CYP3A7: variants seen among roughly 807,000 people sequenced by gnomAD.
The protein encoded by CYP3A7 is cytochrome P450 family 3 subfamily A member 7.
Under a neutral mutation model 55.2 loss-of-function variants are expected in CYP3A7, and 45 were observed. The observed-to-expected ratio is 0.82, with a 90% CI of 0.64 to 1.05. The LOEUF (loss-of-function observed/expected upper bound fraction) is 1.05. Among genes scored for constraint, CYP3A7 ranks in the 50% least tolerant of loss-of-function variants. The probability of loss-of-function intolerance (pLI) is 0.00; values close to 1 mark genes in which losing one functional copy is unlikely to be tolerated. For missense variants in CYP3A7, 548 were observed against 605.3 expected (o/e 0.91, Z 0.99); for synonymous variants, 180 against 207.4 (o/e 0.87, Z 1.13).
At chr7:99,730,663 T>C in intron 2 of CYP3A7, 1 of 211,456 alleles carries the variant, frequency 4.7e-6, no homozygotes, top group Non-Finnish European at 9.6e-6. Flanking sequence ...AGAGGAAAGT[T>C]TTACTCTCAT....
Position 99,710,809 on chromosome 7 carries a change from TGAA to T in CYP3A7, c.946_948del (p.Phe316del). 1 of 1,613,828 alleles carries T rather than the reference TGAA, an allele frequency of 6.2e-7. No individual in the cohort carries two copies. Among genetic ancestry groups the T allele is most frequent in the Non-Finnish European group, 8.5e-7 (1 of 1,179,872 alleles). ...GGGTGAGTGGCCAGTTCATATATAA[TGAA>T]GGAGAGAACACTGCTCGTGGTTTCA... On this transcript the variant is annotated inframe_deletion, in exon 10 of 13. Transcript: ENST00000336374.
At chr7:99,711,198 A>G (rs1435461323) in intron 9 of CYP3A7, among the ~76,000 whole-genome samples, 4 of 152,166 alleles carry the variant, frequency 2.6e-5, no homozygotes, top group Non-Finnish European at 5.9e-5. Flanking sequence ...TAACATACTC[A>G]GTGTCATGGT....
At chr7:99,733,547 T>C (rs1814710018) in intron 1 of CYP3A7, among the ~76,000 whole-genome samples, 1 of 152,180 alleles carries the variant, frequency 6.6e-6, no homozygotes, top group Non-Finnish European at 1.5e-5. Flanking sequence ...AAGGCTAAGG[T>C]ATTGTCTGCC....
chr7:99,714,029 C>G (rs955873030), intron 8 of CYP3A7, among the ~76,000 whole-genome samples: 1 of 152,162 alleles, frequency 6.6e-6, no homozygotes, highest in African/African-American at 2.4e-5. Context: ...CTGAGTTAGC[C>G]AGCCTTGCAG....
In CYP3A7 at chr7:99,707,817, T is replaced by C; in HGVS notation, c.1411A>G (p.Thr471Ala). The change falls in exon 12 of 13, where the codon ACA (threonine) becomes GCA (alanine). Residue 471 changes from threonine (T) to alanine (A), a missense_variant. Coordinates refer to ENST00000336374, the MANE Select transcript of CYP3A7 (RefSeq NM_000765.5). Reference protein sequence around the residue: ...QNFSFKPCKETQIPLKLRFGG... With the variant: ...QNFSFKPCKEAQIPLKLRFGG... ...AATGCAGAAAATTGACTGACCTGTG[T>C]TTCTTTACAAGGTTTGAAGGAGAAG... 5.6e-6 allele frequency: 9 copies of C among 1,613,876 alleles called. No homozygotes were observed. Among genetic ancestry groups the C allele is most frequent in the Non-Finnish European group, 7.6e-6 (9 of 1,179,816 alleles).
intron 2 of CYP3A7, among the ~76,000 whole-genome samples, chr7:99,730,252 T>G (rs1410104186): frequency 1.3e-5 from 2 of 152,234 alleles, no homozygotes; most frequent in Non-Finnish European, 2.9e-5. Context: ...TTTTGTCAAA[T>G]CATCCCCTTT....
chr7:99,705,961 A>G (rs1255221716), intron 12 of CYP3A7, among the ~76,000 whole-genome samples: 5 of 152,218 alleles, frequency 3.3e-5, no homozygotes, highest in Non-Finnish European at 7.3e-5. Context: ...AAACCATCTT[A>G]TGAAGTTAAT....
chr7:99,712,104 A>G (rs1243090020), intron 9 of CYP3A7, among the ~76,000 whole-genome samples: 1 of 152,202 alleles, frequency 6.6e-6, no homozygotes, highest in Non-Finnish European at 1.5e-5. Flanking sequence ...TCCTGAGAGA[A>G]GCTCAGGATG....
intron 9 of CYP3A7, among the ~76,000 whole-genome samples, chr7:99,711,165 T>A (rs1418398825): frequency 6.6e-6 from 1 of 152,190 alleles, no homozygotes; most frequent in African/African-American, 2.4e-5. Flanking sequence ...AGCTGGGTAA[T>A]TTCCAGAGAG....
intron 10 of CYP3A7, among the ~76,000 whole-genome samples, chr7:99,710,133 T>C (rs1055790881): frequency 6.6e-6 from 1 of 152,226 alleles, no homozygotes; most frequent in African/African-American, 2.4e-5. Context: ...GCCATGTCTC[T>C]TCATAGCACA....
intron 2 of CYP3A7, among the ~76,000 whole-genome samples, chr7:99,727,461 A>C (rs1403658085): frequency 6.6e-6 from 1 of 152,106 alleles, no homozygotes; most frequent in Admixed American, 6.6e-5. Context: ...TGAGTCTCCC[A>C]CAATTACCAT....
intron 1 of CYP3A7, among the ~76,000 whole-genome samples, chr7:99,733,599 G>C (rs1368389821): frequency 6.6e-6 from 1 of 152,188 alleles, no homozygotes; most frequent in African/African-American, 2.4e-5. Context: ...AACATGGCCA[G>C]CCACACACAG....
At chr7:99,723,437 G>T (rs1440881304) in intron 2 of CYP3A7, among the ~76,000 whole-genome samples, 2 of 152,132 alleles carry the variant, frequency 1.3e-5, no homozygotes, top group African/African-American at 4.8e-5. Context: ...GCTTACCCCA[G>T]TCCTATAAAA....
chr7:99,707,928 G>A lies in CYP3A7; in HGVS notation c.1300C>T (p.Pro434Ser), dbSNP rs1304730131. The A allele has an allele frequency of 1.9e-6, 3 of 1,613,950 alleles. No homozygotes were observed. The highest frequency in any genetic ancestry group is 2.5e-6 in the Non-Finnish European group (3 of 1,179,890). ...CAGTTTCTGGGTCCACTTCCAAAGG[G>A]TGTGTATATGTAAGGATCTATGTTG... Reference protein sequence around the residue: ...KDNIDPYIYTPFGSGPRNCIG... With the variant: ...KDNIDPYIYTSFGSGPRNCIG... The change falls in exon 12 of 13, where the codon CCC becomes TCC. Residue 434 changes from proline (P) to serine (S), a missense_variant. Transcript: ENST00000336374.
At chr7:99,724,598 C>T (rs1192356091) in intron 2 of CYP3A7, among the ~76,000 whole-genome samples, 1 of 152,008 alleles carries the variant, frequency 6.6e-6, no homozygotes, top group African/African-American at 2.4e-5. Context: ...AGCCAGGTCC[C>T]AATTCTTCCT....
At chr7:99,724,354 T>C (rs1170599305) in intron 2 of CYP3A7, among the ~76,000 whole-genome samples, 1 of 152,214 alleles carries the variant, frequency 6.6e-6, no homozygotes, top group Non-Finnish European at 1.5e-5. Flanking sequence ...AAGACCTGGA[T>C]GATTTTTGTT....
At chr7:99,728,460 C>T (rs1199439801) in intron 2 of CYP3A7, among the ~76,000 whole-genome samples, 1 of 152,198 alleles carries the variant, frequency 6.6e-6, no homozygotes, top group Non-Finnish European at 1.5e-5. Context: ...ATTATGACCA[C>T]TAAGGGCTGA....
At position 99,719,850 on chromosome 7, in the gene CYP3A7, TAG is replaced by T. The variant is rs1265387682; in HGVS notation, c.318+461_318+462del. On this transcript the variant is annotated intron_variant, in intron 4 of 12. Coordinates refer to ENST00000336374, the MANE Select transcript of CYP3A7 (RefSeq NM_000765.5). ...TCGTCTCTACTAAAAATACAAAAAT[TAG>T]TAGGGCGTGGTGGTGCAACTTGTAG... is the stretch of plus-strand genomic sequence containing the variant. 2.6e-5 allele frequency among the ~76,000 whole-genome samples: 4 copies of T among 151,974 alleles called. No homozygotes were observed. The South Asian group carries it at 8.3e-4, about 32-fold the overall frequency.
chr7:99,709,332 C>T, intron 10 of CYP3A7, 71 bp from the exon 11 acceptor site: 1 of 1,560,294 alleles, frequency 6.4e-7, no homozygotes, highest in Non-Finnish European at 8.7e-7. Flanking sequence ...CCATGTAGTA[C>T]TGTTGAACTG....
Sources: gnomAD v4.1 joint callset for allele counts (sites outside exome capture counted in the v4.1 genomes callset) on GRCh38, gnomAD v4.1.1 for gene constraint, MANE v1.5 for transcripts, NCBI Gene and HGNC (gene_info 2026-07-23, HGNC 2026-07-21) for gene names.